Variants in FGF12 observed in about 807,000 individuals in gnomAD.
FGF12 encodes the protein fibroblast growth factor 12.
A neutral mutation model predicts 23.6 loss-of-function variants in FGF12; 14 were observed. The ratio of observed to expected loss-of-function variants is 0.59; its 90% CI spans 0.39 to 0.93. The LOEUF (loss-of-function observed/expected upper bound fraction) is 0.93. FGF12 is among the 40% of genes least tolerant of loss of function. The pLI is 0.00. For missense variants in FGF12, 175 were observed against 217.8 expected, an observed-to-expected ratio of 0.80 and a Z score of 1.24; for synonymous variants, 62 against 77.3, an observed-to-expected ratio of 0.80 and a Z score of 1.04.
In FGF12 at chr3:192,290,004, G is replaced by A. The variant is rs77466346; in HGVS notation, c.228+45357C>T. 6.0e-3 allele frequency among the ~76,000 whole-genome samples: 916 copies of A among 152,254 alleles called. 8 individuals carry two copies. Among genetic ancestry groups the A allele is most frequent in the African/African-American group, 0.021 (864 of 41,556 alleles). ...GTGACATTTGCAAGATGATTGCTTT[G>A]CATGGGAGCTTGGAGTTAGACCCAA... is the stretch of plus-strand genomic sequence containing the variant. On this transcript the variant is annotated intron_variant, in intron 4 of 5. Coordinates refer to ENST00000445105, the MANE Select transcript of FGF12 (RefSeq NM_004113.6).
At chr3:192,490,276 G>T (rs1404719207) in intron 2 of FGF12, among the ~76,000 whole-genome samples, 1 of 151,850 alleles carries the variant, frequency 6.6e-6, no homozygotes, top group Non-Finnish European at 1.5e-5. Flanking sequence ...GCAGGATTTT[G>T]TAAATGGTTC....
chr3:192,564,913 G>A (rs1245513147), intron 2 of FGF12, among the ~76,000 whole-genome samples: 2 of 152,154 alleles, frequency 1.3e-5, no homozygotes, highest in Non-Finnish European at 1.5e-5. Flanking sequence ...TCCATTTACT[G>A]GCTGTGGGAC....
intron 2 of FGF12, among the ~76,000 whole-genome samples, chr3:192,555,745 C>T (rs1254458210): frequency 6.6e-6 from 1 of 150,414 alleles, no homozygotes; most frequent in South Asian, 2.1e-4. Context: ...TTGCAGCGAG[C>T]CGAGATCATG....
intron 2 of FGF12, among the ~76,000 whole-genome samples, chr3:192,546,619 A>G (rs1353032710): frequency 6.6e-6 from 1 of 152,192 alleles, no homozygotes; most frequent in Non-Finnish European, 1.5e-5. Flanking sequence ...TTATGAGGGC[A>G]GGAACTTTAT....
intron 4 of FGF12, among the ~76,000 whole-genome samples, chr3:192,230,760 T>A (rs1718977237): frequency 6.6e-6 from 1 of 152,036 alleles, no homozygotes; most frequent in Non-Finnish European, 1.5e-5. Context: ...AGGGTAACAG[T>A]CTCCATGTAT....
chr3:192,645,875 G>A (rs912784778), intron 2 of FGF12, among the ~76,000 whole-genome samples: 5 of 150,348 alleles, frequency 3.3e-5, no homozygotes, highest in African/African-American at 7.3e-5. Flanking sequence ...ACAAATTTAC[G>A]TTAAGTTCCA....
At chr3:192,214,399 T>C (rs1333979539) in intron 4 of FGF12, among the ~76,000 whole-genome samples, 1 of 152,250 alleles carries the variant, frequency 6.6e-6, no homozygotes, top group African/African-American at 2.4e-5. Flanking sequence ...TTTTACTTTT[T>C]TATTTGCAAA....
intron 2 of FGF12, among the ~76,000 whole-genome samples, chr3:192,440,215 T>C (rs1004522929): frequency 6.6e-6 from 1 of 152,152 alleles, no homozygotes; most frequent in Admixed American, 6.5e-5. Flanking sequence ...CAATTTTTAT[T>C]TGTTATAAGA....
chr3:192,545,844 G>T (rs3845944), intron 2 of FGF12, among the ~76,000 whole-genome samples: 108,951 of 152,040 alleles, frequency 0.72, 39,409 homozygotes, highest in African/African-American at 0.81. Context: ...CATTTGAGCT[G>T]TGGGCAAAGG....
chr3:192,588,349 CAAAAAAA>C (rs1201739223), intron 2 of FGF12, among the ~76,000 whole-genome samples: 3 of 66,982 alleles, frequency 4.5e-5, no homozygotes, highest in Admixed American at 1.9e-4. Flanking sequence ...CAATCCGTCT[CAAAAAAA>C]AAAAAAAAAA....
chr3:192,687,403 A>G (rs2108715542), intron 2 of FGF12, among the ~76,000 whole-genome samples: 1 of 152,130 alleles, frequency 6.6e-6, no homozygotes, highest in Middle Eastern at 3.4e-3. Flanking sequence ...ATGACCACAA[A>G]TGGGTTAAGG....
chr3:192,273,572 C>T (rs913626327), intron 4 of FGF12, among the ~76,000 whole-genome samples: 1 of 152,028 alleles, frequency 6.6e-6, no homozygotes, highest in Non-Finnish European at 1.5e-5. Flanking sequence ...TGGTTGTTTG[C>T]ACATCCATGT....
intron 2 of FGF12, among the ~76,000 whole-genome samples, chr3:192,377,627 A>C (rs1285280796): frequency 1.3e-5 from 2 of 152,182 alleles, no homozygotes; most frequent in Non-Finnish European, 2.9e-5. Context: ...TTGTGGTTAG[A>C]ACTGTGCAAT....
chr3:192,662,965 A>G (rs1716727558), intron 2 of FGF12, among the ~76,000 whole-genome samples: 1 of 152,202 alleles, frequency 6.6e-6, no homozygotes. Flanking sequence ...CAGTAGAGGC[A>G]ATTCCCTTCT....
intron 2 of FGF12, among the ~76,000 whole-genome samples, chr3:192,656,054 A>G (rs1198089415): frequency 6.6e-6 from 1 of 151,964 alleles, no homozygotes; most frequent in African/African-American, 2.4e-5. Context: ...AAAAAAAAAA[A>G]AAAAAAAATT....
At chr3:192,202,996 T>C (rs1717449132) in intron 4 of FGF12, among the ~76,000 whole-genome samples, 1 of 152,182 alleles carries the variant, frequency 6.6e-6, no homozygotes, top group Non-Finnish European at 1.5e-5. Flanking sequence ...ATGGTAAAAA[T>C]ACAATGCTAA....
At position 192,716,973 on chromosome 3, in the gene FGF12, G is replaced by A. The variant is rs542033790; in HGVS notation, c.13+10208C>T. On this transcript the variant is annotated intron_variant, in intron 2 of 5. Coordinates refer to ENST00000445105, the MANE Select transcript of FGF12 (RefSeq NM_004113.6). ...CCCAATGCTTAATTAAGCCCCTAGG[G>A]GTGGAAGCCAACTTAAGGCACATAA... Among the ~76,000 whole-genome samples the A allele has an allele frequency of 2.6e-5, 4 of 152,224 alleles. No individual in the cohort carries two copies. The South Asian group carries it at 8.3e-4, about 32-fold the overall frequency.
At chr3:192,322,503 GACACACACACAC>G (rs3071843) in intron 4 of FGF12, among the ~76,000 whole-genome samples, 7 of 149,194 alleles carry the variant, frequency 4.7e-5, no homozygotes, top group Non-Finnish European at 1.0e-4. Flanking sequence ...ACCACACGCA[GACACACACACAC>G]ACACACACCC....
Position 192,553,407 on chromosome 3 carries a change from T to G in FGF12, c.13+173774A>C, listed in dbSNP as rs533138266. 8.0e-4 allele frequency among the ~76,000 whole-genome samples: 122 copies of G among 152,232 alleles called. 1 individual carries two copies. Among genetic ancestry groups the G allele is most frequent in the Non-Finnish European group, 1.4e-3 (96 of 68,006 alleles). ...TTATATGAAATACTACAATGGTAACTCTAAGTAAGTAATAATAAATTAAGA... is the reference window on the plus strand; with the variant it reads ...TTATATGAAATACTACAATGGTAACGCTAAGTAAGTAATAATAAATTAAGA... On this transcript the variant is annotated intron_variant, in intron 2 of 5. Transcript: ENST00000445105.
Sources: allele counts gnomAD v4.1 joint callset (sites outside exome capture counted in the v4.1 genomes callset), GRCh38; gene constraint gnomAD v4.1.1; transcripts MANE v1.5; gene names NCBI Gene and HGNC (gene_info 2026-07-23, HGNC 2026-07-21).